Variants in ABCD3 observed in about 807,000 individuals in gnomAD.
ABCD3 encodes the protein ATP binding cassette subfamily D member 3.
A neutral mutation model predicts 105.5 loss-of-function variants in ABCD3; 41 were observed. The ratio of observed to expected loss-of-function variants is 0.39; its 90% CI spans 0.30 to 0.50. The LOEUF is 0.50. Ranked by LOEUF, ABCD3 falls within the 20% of genes least tolerant of loss-of-function variation. The pLI, the probability that ABCD3 is intolerant of heterozygous loss-of-function variation, is 0.84. For synonymous variants in ABCD3, 258 were observed against 269.0 expected (o/e 0.96, Z 0.40); for missense variants, 622 against 806.3 (o/e 0.77, Z 2.77).
intron 1 of ABCD3, among the ~76,000 whole-genome samples, chr1:94,438,192 CAG>C (rs780194747): frequency 1.5e-3 from 229 of 151,916 alleles, no homozygotes; most frequent in Non-Finnish European, 2.9e-3. Context: ...GAGGCTGAGA[CAG>C]GGGAATCGCT....
At position 94,418,437 on chromosome 1, in the gene ABCD3, G is replaced by GCCT. The variant is rs1325865832; in HGVS notation, c.-40_-39insTCC. On this transcript the variant is annotated 5_prime_UTR_variant, in exon 1 of 23. Coordinates refer to ENST00000370214, the MANE Select transcript of ABCD3 (RefSeq NM_002858.4). The stretch of plus-strand genomic sequence containing the variant: ...CAGTAAGGTAGCCGCCGCCGCCGCC[G>GCCT]CCGCCGCGTCCCCTCGCCGGCTCGC... The GCCT allele has an allele frequency of 2.6e-6, 4 of 1,542,616 alleles. No homozygotes were observed. Among genetic ancestry groups the GCCT allele is most frequent in the Non-Finnish European group, 2.6e-6 (3 of 1,142,722 alleles).
In ABCD3 at chr1:94,517,439, A is replaced by C. The variant is rs191602505; in HGVS notation, c.*310A>C. On this transcript the variant is annotated 3_prime_UTR_variant, in exon 23 of 23. Transcript: ENST00000370214. ...GTAACCTGATTCATCCTGGGATGTA[A>C]ACCATTCGAAGTCAGCTAATTGGAC... 1,156 of 314,292 alleles carry C rather than the reference A, an allele frequency of 3.7e-3. 40 individuals carry two copies. In the Admixed American group the frequency reaches 0.048, roughly 13 times the overall value. The allele number at this position is 314,292 out of a possible 1,614,324, so 19.5% of individuals were successfully genotyped here. A position where few individuals can be genotyped will look rare whatever the true frequency, so the allele number is the denominator to read the frequency against.
At chr1:94,438,309 C>CACACACAT (rs1457936732) in intron 1 of ABCD3, among the ~76,000 whole-genome samples, 3 of 124,030 alleles carry the variant, frequency 2.4e-5, no homozygotes, top group African/African-American at 3.2e-5. Context: ...CATACACACA[C>CACACACAT]ACACACACAC....
intron 1 of ABCD3, among the ~76,000 whole-genome samples, chr1:94,424,862 G>T (rs10493872): frequency 0.23 from 34,421 of 152,080 alleles, 4,850 homozygotes; most frequent in Middle Eastern, 0.41. Context: ...TAGCATTTAA[G>T]TTCCACAAAG....
intron 20 of ABCD3, among the ~76,000 whole-genome samples, chr1:94,503,273 G>T (rs1650188183): frequency 6.6e-6 from 1 of 152,194 alleles, no homozygotes; most frequent in African/African-American, 2.4e-5. Flanking sequence ...TAAGTGTGGT[G>T]ATGAATGTAC....
At chr1:94,404,244 A>G in the ABCD3 span, among the ~76,000 whole-genome samples, 2 of 152,190 alleles carry the variant, frequency 1.3e-5, no homozygotes, top group Non-Finnish European at 2.9e-5. Context: ...TAAAATTCTT[A>G]AACAGTTTAA....
the ABCD3 span, among the ~76,000 whole-genome samples, chr1:94,395,709 G>A: frequency 6.6e-6 from 1 of 152,166 alleles, no homozygotes; most frequent in Middle Eastern, 3.2e-3. Context: ...AATAGTTGGT[G>A]CAAAAGTAAT....
At chr1:94,455,637 T>A (rs1647514819) in intron 1 of ABCD3, 1 of 334,470 alleles carries the variant, frequency 3.0e-6, no homozygotes, top group Non-Finnish European at 5.9e-6. Context: ...AAATTTTAAT[T>A]GTCACAGACT....
intron 1 of ABCD3, among the ~76,000 whole-genome samples, chr1:94,454,149 A>G (rs758710730): frequency 6.6e-6 from 1 of 152,180 alleles, no homozygotes; most frequent in African/African-American, 2.4e-5. Flanking sequence ...ACAGAAACTA[A>G]TGATAACGAA....
chr1:94,490,499 T>C lies in ABCD3; in HGVS notation c.1322+524T>C, dbSNP rs1007996089. 8.5e-5 allele frequency among the ~76,000 whole-genome samples: 13 copies of C among 152,172 alleles called. 1 individual carries two copies. The South Asian group carries it at 2.1e-3, about 24-fold the overall frequency. On this transcript the variant is annotated intron_variant, in intron 15 of 22. Transcript: ENST00000370214. ...AGTAAGATCACATAGTGTTTCTCTTTTTGTGTCTTGCTTATTTTGCTTAGC... is the reference window on the plus strand; with the variant it reads ...AGTAAGATCACATAGTGTTTCTCTTCTTGTGTCTTGCTTATTTTGCTTAGC...
chr1:94,475,261 A>T lies in ABCD3; in HGVS notation c.503+21A>T, dbSNP rs1281273958. On this transcript the variant is annotated intron_variant, in intron 6 of 22. Transcript: ENST00000370214. ...CTTCAGTAAGTGATAACCTATTTTT[A>T]TATTAAAAATATTTAAATAGAAGAG... The T allele has an allele frequency of 2.2e-6, 3 of 1,355,848 alleles. No homozygotes were observed. The Admixed American group carries it at 6.0e-5, about 27-fold the overall frequency. The allele number at this position is 1,355,848 out of a possible 1,614,324, so 84.0% of individuals were successfully genotyped here. A position where few individuals can be genotyped will look rare whatever the true frequency, so the allele number is the denominator to read the frequency against.
At chr1:94,434,426 TTTA>T (rs954153469) in intron 1 of ABCD3, among the ~76,000 whole-genome samples, 24 of 152,080 alleles carry the variant, frequency 1.6e-4, no homozygotes, top group African/African-American at 5.6e-4. Context: ...AACATAGTCA[TTTA>T]TTATTATTAT....
At chr1:94,386,406 T>C in the ABCD3 span, among the ~76,000 whole-genome samples, 1 of 152,252 alleles carries the variant, frequency 6.6e-6, no homozygotes, top group Non-Finnish European at 1.5e-5. Context: ...ATTACTAAGA[T>C]AACCTGGGTT....
intron 2 of ABCD3, among the ~76,000 whole-genome samples, chr1:94,464,034 T>C (rs528889): frequency 0.089 from 13,507 of 152,236 alleles, 713 homozygotes; most frequent in African/African-American, 0.14. Flanking sequence ...TTTATTTATG[T>C]CTAAGCTTAA....
intron 5 of ABCD3, among the ~76,000 whole-genome samples, chr1:94,474,842 A>T (rs1307527804): frequency 6.6e-6 from 1 of 152,008 alleles, no homozygotes. Flanking sequence ...GCAAGTCTTT[A>T]CATTGGCTAG....
intron 2 of ABCD3, among the ~76,000 whole-genome samples, chr1:94,459,913 TTCA>T (rs1475102863): frequency 6.6e-6 from 1 of 152,232 alleles, no homozygotes; most frequent in Non-Finnish European, 1.5e-5. Flanking sequence ...GTTTTCAAGG[TTCA>T]TCATGTTGTT....
At chr1:94,480,119 C>A in intron 8 of ABCD3, 1 of 281,986 alleles carries the variant, frequency 3.5e-6, no homozygotes, top group Non-Finnish European at 6.7e-6. Context: ...AAAAAGAGGT[C>A]TAAGAATTAT....
At chr1:94,505,788 T>G (rs1650322979) in intron 20 of ABCD3, among the ~76,000 whole-genome samples, 1 of 152,042 alleles carries the variant, frequency 6.6e-6, no homozygotes, top group Admixed American at 6.6e-5. Context: ...TCAAGAAGGA[T>G]GGAGTGGTCT....
intron 1 of ABCD3, among the ~76,000 whole-genome samples, chr1:94,442,475 A>C (rs1449266114): frequency 1.3e-5 from 2 of 152,214 alleles, no homozygotes; most frequent in African/African-American, 4.8e-5. Context: ...TTACATTAAA[A>C]AAATGGTTTA....
Sources: gnomAD v4.1 joint callset for allele counts (sites outside exome capture counted in the v4.1 genomes callset) on GRCh38, gnomAD v4.1.1 for gene constraint, MANE v1.5 for transcripts, NCBI Gene and HGNC (gene_info 2026-07-23, HGNC 2026-07-21) for gene names.